The following GSE1 variants were observed in gnomAD, a reference collection of about 807,000 sequenced individuals.
The protein encoded by GSE1 is Gse1 coiled-coil protein, also known as genetic suppressor element 1.
Under a neutral mutation model 112.6 loss-of-function variants are expected in GSE1, and 32 were observed. The ratio of observed to expected loss-of-function variants is 0.28; its 90% CI spans 0.21 to 0.38. The LOEUF (loss-of-function observed/expected upper bound fraction) is 0.38. GSE1 is among the 10% of genes least tolerant of loss of function. The probability of loss-of-function intolerance (pLI) is 1.00; values close to 1 mark genes in which losing one functional copy is unlikely to be tolerated. For synonymous variants in GSE1, 1,115 were observed against 735.6 expected (o/e 1.52, Z -8.35); for missense variants, 2,348 against 1,699.2 (o/e 1.38, Z -6.71).
At chr16:85,308,619 C>T (rs2045745034) in intron 1 of GSE1, among the ~76,000 whole-genome samples, 2 of 152,116 alleles carry the variant, frequency 1.3e-5, no homozygotes, top group South Asian at 4.1e-4. Context: ...GAAAGATTTT[C>T]AACAGGGAAG....
intron 2 of GSE1, among the ~76,000 whole-genome samples, chr16:85,640,676 C>T (rs1279761610): frequency 1.3e-5 from 2 of 152,258 alleles, no homozygotes; most frequent in African/African-American, 2.4e-5. Context: ...TGGAGCCGGC[C>T]TGGGCGGGGG....
At chr16:85,514,926 T>G (rs73267262) in intron 2 of GSE1, among the ~76,000 whole-genome samples, 2,470 of 152,148 alleles carry the variant, frequency 0.016, 74 homozygotes, top group African/African-American at 0.057. Context: ...TACGTGTGTG[T>G]GGGCATGTAT....
At position 85,472,856 on chromosome 16, in the gene GSE1, A is replaced by G. The variant is rs565927662; in HGVS notation, c.2464+115213A>G. On this transcript the variant is annotated intron_variant, in intron 2 of 2. Transcript: ENST00000637419. ...CAGGGTGCTGCAGAGCAGTGGTGGC[A>G]GGGGGCAGGGGCTGCAGCCTCTCCT... 3.0e-3 allele frequency among the ~76,000 whole-genome samples: 457 copies of G among 152,366 alleles called. 2 individuals are homozygous for G. Among genetic ancestry groups the G allele is most frequent in the African/African-American group, 0.01 (434 of 41,598 alleles).
chr16:85,480,473 T>G (rs151122794), intron 2 of GSE1, among the ~76,000 whole-genome samples: 264 of 152,346 alleles, frequency 1.7e-3, no homozygotes, highest in African/African-American at 6.1e-3. Flanking sequence ...ACCCTGTTTC[T>G]GAGCCCTCTT....
In GSE1 at chr16:85,657,557, GC is replaced by G. The variant is rs1374121803; in HGVS notation, c.1598del (p.Pro533ArgfsTer38). On this transcript the variant is annotated frameshift_variant, in exon 8 of 16. Coordinates refer to ENST00000253458, the MANE Select transcript of GSE1 (RefSeq NM_014615.5). LOFTEE classifies it high-confidence loss of function. The part of the protein sequence containing the change: ...VLEQHLDMGR[P>X]PVPAEAEHRP... Reference sequence around the variant, plus strand: ...TGGAGCAGCACCTGGATATGGGCCGGCCCCCGGTGCCGGCGGAGGCAGAGCA... The same window carrying G: ...TGGAGCAGCACCTGGATATGGGCCGGCCCCGGTGCCGGCGGAGGCAGAGCA... The G allele has an allele frequency of 4.4e-6, 7 of 1,578,874 alleles. No individual in the cohort carries two copies. Among genetic ancestry groups the G allele is most frequent in the Admixed American group, 1.8e-5 (1 of 55,950 alleles).
chr16:85,256,963 C>G (rs1907148387), intron 1 of GSE1, among the ~76,000 whole-genome samples: 2 of 152,192 alleles, frequency 1.3e-5, no homozygotes, highest in African/African-American at 4.8e-5. Flanking sequence ...AAGGTTCTTT[C>G]TGTCACGATA....
intron 1 of GSE1, among the ~76,000 whole-genome samples, chr16:85,570,195 G>A (rs528870658): frequency 6.6e-6 from 1 of 152,328 alleles, no homozygotes; most frequent in Non-Finnish European, 1.5e-5. Flanking sequence ...GGTGGGGGGA[G>A]TTCTGGATGG....
At chr16:85,649,646 C>A (rs866358963) in intron 3 of GSE1, among the ~76,000 whole-genome samples, 1 of 152,204 alleles carries the variant, frequency 6.6e-6, no homozygotes, top group Admixed American at 6.5e-5. Flanking sequence ...CCCCCCACCC[C>A]TGGCGCGCAG....
At chr16:85,554,856 C>T (rs1405715283), upstream of GSE1, 2 of 984,444 alleles carry the variant, frequency 2.0e-6, no homozygotes, top group East Asian at 1.1e-4. Flanking sequence ...GGGGGGCCAG[C>T]GGCGCCCGCA....
At chr16:85,418,348 G>A (rs2048750727) in intron 2 of GSE1, among the ~76,000 whole-genome samples, 1 of 152,234 alleles carries the variant, frequency 6.6e-6, no homozygotes, top group African/African-American at 2.4e-5. Flanking sequence ...CCCAGGCACG[G>A]CTCCCTCAGA....
intron 2 of GSE1, among the ~76,000 whole-genome samples, chr16:85,488,143 G>C (rs2050901888): frequency 6.6e-6 from 1 of 152,190 alleles, no homozygotes; most frequent in Non-Finnish European, 1.5e-5. Flanking sequence ...GAAAACCCGA[G>C]TGATGGGGTT....
chr16:85,429,879 G>A (rs1461860493), intron 2 of GSE1, among the ~76,000 whole-genome samples: 1 of 152,220 alleles, frequency 6.6e-6, no homozygotes, highest in African/African-American at 2.4e-5. Context: ...ATGTGTGTGT[G>A]TGGTTATTCT....
intron 5 of GSE1, among the ~76,000 whole-genome samples, chr16:85,655,444 C>T (rs1312244865): frequency 6.6e-6 from 1 of 152,208 alleles, no homozygotes; most frequent in Non-Finnish European, 1.5e-5. Flanking sequence ...AGCCTGCTCG[C>T]CAGCCTTGGA....
chr16:85,370,700 C>G (rs2047279806), intron 2 of GSE1, among the ~76,000 whole-genome samples: 1 of 152,006 alleles, frequency 6.6e-6, no homozygotes, highest in Non-Finnish European at 1.5e-5. Context: ...AGTTCTAGGC[C>G]CCAACCCAGG....
At chr16:85,179,490 C>T (rs1310375998) in intron 1 of GSE1, among the ~76,000 whole-genome samples, 1 of 152,152 alleles carries the variant, frequency 6.6e-6, no homozygotes, top group Non-Finnish European at 1.5e-5. Context: ...CAGATGTCTT[C>T]ATTTCTCTTG....
chr16:85,664,720 C>T (rs201378709), intron 11 of GSE1: 2 of 296,362 alleles, frequency 6.7e-6, no homozygotes, highest in South Asian at 4.8e-5. Context: ...AAGAATACAT[C>T]CTCGCACGTC....
At chr16:85,256,683 GT>G (rs1285802463) in intron 1 of GSE1, among the ~76,000 whole-genome samples, 20 of 152,230 alleles carry the variant, frequency 1.3e-4, no homozygotes, top group Non-Finnish European at 2.6e-4. Context: ...CCCCATGTCT[GT>G]CCCCGTCACG....
intron 1 of GSE1, among the ~76,000 whole-genome samples, chr16:85,254,721 G>A (rs1268989950): frequency 6.6e-6 from 1 of 152,216 alleles, no homozygotes; most frequent in Non-Finnish European, 1.5e-5. Context: ...AAATGGGAGG[G>A]TCTTGGAAAC....
At position 85,654,862 on chromosome 16, in the gene GSE1, G is replaced by T; in HGVS notation, c.668G>T (p.Arg223Leu). Reference sequence around the variant, plus strand: ...ACCGAGGACTACCTGAGAAGCTTCCGGCCCTACCACACCACCGACGACCTC... The same window carrying T: ...ACCGAGGACTACCTGAGAAGCTTCCTGCCCTACCACACCACCGACGACCTC... ...TVTEDYLRSF[R>L]PYHTTDDLRM... The change falls in exon 5 of 16, where the codon CGG becomes CTG. Residue 223 changes from arginine to leucine, a missense_variant. Coordinates refer to ENST00000253458, the MANE Select transcript of GSE1 (RefSeq NM_014615.5). The T allele has an allele frequency of 5.6e-6, 9 of 1,611,628 alleles. No homozygotes were observed. Among genetic ancestry groups the T allele is most frequent in the Non-Finnish European group, 7.6e-6 (9 of 1,179,410 alleles).
Sources: allele counts gnomAD v4.1 joint callset (sites outside exome capture counted in the v4.1 genomes callset), GRCh38; gene constraint gnomAD v4.1.1; transcripts MANE v1.5; gene names NCBI Gene and HGNC (gene_info 2026-07-23, HGNC 2026-07-21).